The following NRG3 variants were observed in gnomAD, a reference collection of about 807,000 sequenced individuals.
The protein encoded by NRG3 is neuregulin 3, also known as pro-neuregulin-3, membrane-bound isoform.
Under a neutral mutation model 66.9 loss-of-function variants are expected in NRG3, and 31 were observed. The observed-to-expected ratio is 0.46, with a 90% CI of 0.35 to 0.63. The LOEUF is 0.63. Ranked by LOEUF, NRG3 falls within the 20% of genes least tolerant of loss-of-function variation. The pLI, the probability that NRG3 is intolerant of heterozygous loss-of-function variation, is 0.00. For missense variants in NRG3, 910 were observed against 878.9 expected, an observed-to-expected ratio of 1.04 and a Z score of -0.45; for synonymous variants, 393 against 359.4, an observed-to-expected ratio of 1.09 and a Z score of -1.06.
At chr10:81,964,636 A>G (rs2059662120) in intron 1 of NRG3, among the ~76,000 whole-genome samples, 1 of 152,142 alleles carries the variant, frequency 6.6e-6, no homozygotes, top group South Asian at 2.1e-4. Context: ...GGAATACTGG[A>G]TCAGACAGTG....
At chr10:82,561,817 A>G (rs183441710) in intron 2 of NRG3, among the ~76,000 whole-genome samples, 135 of 152,298 alleles carry the variant, frequency 8.9e-4, no homozygotes, top group Non-Finnish European at 1.4e-3. Context: ...TGTAATATCT[A>G]GAGAAATTGA....
intron 1 of NRG3, among the ~76,000 whole-genome samples, chr10:82,083,191 C>T (rs2065495933): frequency 6.6e-6 from 1 of 152,038 alleles, no homozygotes; most frequent in African/African-American, 2.4e-5. Context: ...CATTCCTGGA[C>T]ACCAGTCTTT....
At chr10:82,540,623 C>T (rs892311259) in intron 2 of NRG3, among the ~76,000 whole-genome samples, 10 of 151,710 alleles carry the variant, frequency 6.6e-5, no homozygotes, top group Admixed American at 2.0e-4. Flanking sequence ...CAGGGAAGGG[C>T]GGAGAGGGAA....
At chr10:82,185,750 A>C (rs2073763754) in intron 1 of NRG3, among the ~76,000 whole-genome samples, 1 of 152,196 alleles carries the variant, frequency 6.6e-6, no homozygotes, top group African/African-American at 2.4e-5. Context: ...CTGTTGACTC[A>C]AGAGTCTTTC....
chr10:82,599,429 CAG>C, intron 2 of NRG3, among the ~76,000 whole-genome samples: 1 of 152,158 alleles, frequency 6.6e-6, no homozygotes, highest in East Asian at 1.9e-4. Context: ...ATTGTCATCT[CAG>C]AGAGTTTTAA....
At chr10:81,934,778 T>A (rs1847709164) in intron 1 of NRG3, among the ~76,000 whole-genome samples, 1 of 152,230 alleles carries the variant, frequency 6.6e-6, no homozygotes, top group African/African-American at 2.4e-5. Context: ...TACCTTGTGT[T>A]CTACATATTG....
At chr10:81,926,983 G>C (rs907359958) in intron 1 of NRG3, among the ~76,000 whole-genome samples, 1 of 152,194 alleles carries the variant, frequency 6.6e-6, no homozygotes, top group Admixed American at 6.5e-5. Context: ...ATGGCATTGC[G>C]TGTGGCGACA....
chr10:82,908,489 C>T (rs1304492712), intron 4 of NRG3, among the ~76,000 whole-genome samples: 3 of 152,100 alleles, frequency 2.0e-5, no homozygotes, highest in Admixed American at 1.3e-4. Flanking sequence ...AATGGCAAAA[C>T]CAAGCAACTG....
At chr10:82,097,515 T>TTA (rs1261676706) in intron 1 of NRG3, among the ~76,000 whole-genome samples, 1 of 149,896 alleles carries the variant, frequency 6.7e-6, no homozygotes, top group Non-Finnish European at 1.5e-5. Flanking sequence ...CAGATATATG[T>TTA]TATATATATC....
At chr10:82,970,281 G>A (rs1254304092) in intron 6 of NRG3, among the ~76,000 whole-genome samples, 1 of 152,132 alleles carries the variant, frequency 6.6e-6, no homozygotes, top group South Asian at 2.1e-4. Flanking sequence ...TCCTTTATCA[G>A]ATATTCTTGA....
intron 6 of NRG3, among the ~76,000 whole-genome samples, chr10:82,968,432 A>G (rs1485538820): frequency 1.3e-5 from 2 of 152,230 alleles, no homozygotes; most frequent in Non-Finnish European, 2.9e-5. Context: ...AATAAAAACA[A>G]CTGTTTAATA....
At chr10:82,220,224 G>A (rs1179526240) in intron 1 of NRG3, among the ~76,000 whole-genome samples, 3 of 151,448 alleles carry the variant, frequency 2.0e-5, no homozygotes, top group African/African-American at 7.3e-5. Flanking sequence ...ATCTGCTGAG[G>A]GCCTTTGAAT....
At chr10:82,872,790 A>G (rs1270444668) in intron 4 of NRG3, among the ~76,000 whole-genome samples, 1 of 151,866 alleles carries the variant, frequency 6.6e-6, no homozygotes, top group Admixed American at 6.6e-5. Context: ...GCTTTCCAGG[A>G]AAGGGGACAC....
intron 2 of NRG3, among the ~76,000 whole-genome samples, chr10:82,655,675 C>A (rs2051784891): frequency 6.6e-6 from 1 of 152,152 alleles, no homozygotes; most frequent in Non-Finnish European, 1.5e-5. Flanking sequence ...GTGTTGATAG[C>A]AGTAATGCTG....
At chr10:82,312,658 T>C (rs1183844810) in intron 1 of NRG3, among the ~76,000 whole-genome samples, 1 of 152,218 alleles carries the variant, frequency 6.6e-6, no homozygotes, top group Non-Finnish European at 1.5e-5. Context: ...TGGCACCTAG[T>C]GTATGAAAGC....
At chr10:82,590,537 C>T (rs902029085) in intron 2 of NRG3, among the ~76,000 whole-genome samples, 36 of 152,158 alleles carry the variant, frequency 2.4e-4, no homozygotes, top group South Asian at 2.1e-4. Context: ...GCTTCTACCA[C>T]GGGCTTGTTA....
intron 2 of NRG3, among the ~76,000 whole-genome samples, chr10:82,454,692 A>T (rs1035168104): frequency 6.6e-5 from 10 of 152,204 alleles, no homozygotes; most frequent in Admixed American, 2.0e-4. Flanking sequence ...GTTTAAAGTA[A>T]AACTACAAAA....
chr10:82,526,343 T>C (rs567161649), intron 2 of NRG3, among the ~76,000 whole-genome samples: 1 of 151,488 alleles, frequency 6.6e-6, no homozygotes, highest in African/African-American at 2.4e-5. Context: ...AAAATTAAAA[T>C]TGAAAGTACA....
chr10:82,830,004 C>T (rs553752064), intron 3 of NRG3, among the ~76,000 whole-genome samples: 7 of 152,240 alleles, frequency 4.6e-5, no homozygotes, highest in African/African-American at 1.7e-4. Flanking sequence ...TTGCATTTCA[C>T]ATCAGAGAGC....
Sources: gnomAD v4.1 joint callset for allele counts (sites outside exome capture counted in the v4.1 genomes callset) on GRCh38, gnomAD v4.1.1 for gene constraint, MANE v1.5 for transcripts, NCBI Gene and HGNC (gene_info 2026-07-23, HGNC 2026-07-21) for gene names.